SCN11A: variants seen among roughly 807,000 people sequenced by gnomAD.
The protein encoded by SCN11A is sodium voltage-gated channel alpha subunit 11.
In SCN11A, 122 loss-of-function variants were observed where a neutral mutation model predicts 162.2. The observed-to-expected ratio is 0.75, with a 90% CI of 0.65 to 0.87. The LOEUF (loss-of-function observed/expected upper bound fraction) is 0.87, where lower values mean the gene tolerates loss of function less well. SCN11A is among the 40% of genes least tolerant of loss of function. The pLI is 0.00. For synonymous variants in SCN11A, 758 were observed against 751.5 expected, an observed-to-expected ratio of 1.01 and a Z score of -0.14; for missense variants, 2,015 against 2,181.6, an observed-to-expected ratio of 0.92 and a Z score of 1.52.
Position 38,954,115 on chromosome 3 carries a change from T to C in SCN11A, c.-138-356A>G, listed in dbSNP as rs76275265. 4.4e-3 allele frequency among the ~76,000 whole-genome samples: 677 copies of C among 152,312 alleles called. 1 individual carries two copies. The highest frequency in any genetic ancestry group is 7.5e-3 in the Non-Finnish European group (513 of 68,020). On this transcript the variant is annotated intron_variant, in intron 3 of 29. Coordinates refer to ENST00000302328, the MANE Select transcript of SCN11A (RefSeq NM_001349253.2). ...GCCATATGTCAGCTGAAACTGAATG[T>C]AGGACTGTAGATTCATCACTGTCTG...
intron 1 of SCN11A, among the ~76,000 whole-genome samples, chr3:39,034,177 C>T (rs1414270031): frequency 6.6e-6 from 1 of 151,838 alleles, no homozygotes; most frequent in African/African-American, 2.4e-5. Flanking sequence ...CAAAACAAAA[C>T]AAACAAAAAA....
intron 23 of SCN11A, among the ~76,000 whole-genome samples, chr3:38,873,584 C>T (rs1033710608): frequency 1.3e-5 from 2 of 152,126 alleles, no homozygotes; most frequent in Non-Finnish European, 2.9e-5. Context: ...CAGATGAAAA[C>T]AGATGGCAAA....
intron 23 of SCN11A, among the ~76,000 whole-genome samples, chr3:38,877,888 T>G (rs901285701): frequency 1.3e-5 from 2 of 151,158 alleles, no homozygotes; most frequent in South Asian, 4.2e-4. Flanking sequence ...CTGGATGGAA[T>G]TGGAGACTAT....
chr3:38,885,213 C>T (rs2065374780), intron 21 of SCN11A, 75 bp downstream of exon 21: 5 of 856,450 alleles, frequency 5.8e-6, no homozygotes, highest in East Asian at 4.9e-5. Flanking sequence ...TCTACTAAAA[C>T]CACAGAGCTT....
intron 2 of SCN11A, among the ~76,000 whole-genome samples, chr3:39,029,134 TAGGTAAATTTCTAGAAA>T (rs1228984114): frequency 6.6e-6 from 1 of 152,166 alleles, no homozygotes; most frequent in Non-Finnish European, 1.5e-5. Context: ...AATATACCGG[TAGGTAAATTTCTAGAAA>T]AAGAGCTAAG....
chr3:38,910,395 T>G (rs2065870736), intron 11 of SCN11A, among the ~76,000 whole-genome samples, 188 bp from the exon 12 acceptor site: 1 of 152,186 alleles, frequency 6.6e-6, no homozygotes, highest in Non-Finnish European at 1.5e-5. Context: ...GATTAATAAA[T>G]TCATATAAGA....
chr3:39,025,340 T>A (rs181670368), intron 2 of SCN11A, among the ~76,000 whole-genome samples: 158 of 152,198 alleles, frequency 1.0e-3, no homozygotes, highest in Middle Eastern at 3.4e-3. Context: ...AGCAAGCCCA[T>A]AGAGGGAAGT....
At position 38,937,676 on chromosome 3, in the gene SCN11A, C is replaced by A. The variant is rs1419551835; in HGVS notation, c.488+7735G>T. On this transcript the variant is annotated intron_variant, in intron 7 of 29. Transcript: ENST00000302328. ...TGCAAATCAAAACCACAATGAGATA[C>A]CATCTCACACCAGTTAGAATGGCAA... is the stretch of plus-strand genomic sequence containing the variant. Among the ~76,000 whole-genome samples, 3 of 151,996 alleles carry A rather than the reference C, an allele frequency of 2.0e-5. No homozygotes were observed. The South Asian group carries it at 6.2e-4, about 32-fold the overall frequency.
chr3:39,031,537 ACAAAC>A (rs2031750050), intron 2 of SCN11A, among the ~76,000 whole-genome samples: 13 of 130,646 alleles, frequency 1.0e-4, no homozygotes, highest in South Asian at 2.1e-4. Context: ...CAAAAAACAA[ACAAAC>A]AAAAAAAAAA....
At chr3:38,935,822 C>T (rs1468844080) in intron 7 of SCN11A, among the ~76,000 whole-genome samples, 2 of 152,170 alleles carry the variant, frequency 1.3e-5, no homozygotes, top group Admixed American at 1.3e-4. Context: ...TCCTTCTGAA[C>T]TATTCCAATC....
chr3:38,870,866 T>C, intron 25 of SCN11A, 122 bp from the exon 26 acceptor site: 1 of 705,724 alleles, frequency 1.4e-6, no homozygotes, highest in Non-Finnish European at 2.5e-6. Flanking sequence ...CCCAACCTTC[T>C]AGGACAGGAT....
intron 2 of SCN11A, among the ~76,000 whole-genome samples, chr3:39,031,638 A>C (rs917571357): frequency 6.6e-6 from 1 of 152,162 alleles, no homozygotes; most frequent in Non-Finnish European, 1.5e-5. Context: ...CTTTGAACTT[A>C]AACATTTTAA....
At chr3:39,039,021 C>T (rs2125615306) in intron 1 of SCN11A, among the ~76,000 whole-genome samples, 1 of 152,286 alleles carries the variant, frequency 6.6e-6, no homozygotes, top group African/African-American at 2.4e-5. Flanking sequence ...TAAAGATATA[C>T]CAGCAGAACT....
In SCN11A at chr3:38,846,530, T is replaced by A; in HGVS notation, c.*164A>T. ...CCTTATCTTATATCTCTGTAAGTATTATTTAAAATGAAATTGAAATATCAT... is the reference window on the plus strand; with the variant it reads ...CCTTATCTTATATCTCTGTAAGTATAATTTAAAATGAAATTGAAATATCAT... On this transcript the variant is annotated 3_prime_UTR_variant, in exon 30 of 30. Transcript: ENST00000302328. 3.3e-6 allele frequency: 2 copies of A among 612,252 alleles called. No individual in the cohort carries two copies. Among genetic ancestry groups the A allele is most frequent in the Non-Finnish European group, 2.9e-6 (1 of 345,938 alleles). The allele number at this position is 612,252 out of a possible 1,614,324, so 37.9% of individuals were successfully genotyped here. A position where few individuals can be genotyped will look rare whatever the true frequency, so the allele number is the denominator to read the frequency against.
At chr3:39,039,342 T>G (rs1395095131) in intron 1 of SCN11A, among the ~76,000 whole-genome samples, 1 of 152,252 alleles carries the variant, frequency 6.6e-6, no homozygotes, top group Non-Finnish European at 1.5e-5. Context: ...CCTATGGCAG[T>G]GTGATGGTTT....
chr3:39,014,495 T>G (rs1231050072), intron 2 of SCN11A, among the ~76,000 whole-genome samples: 2 of 152,112 alleles, frequency 1.3e-5, no homozygotes, highest in Non-Finnish European at 2.9e-5. Flanking sequence ...TCAAAACACA[T>G]CCTATAAGAC....
chr3:38,990,620 A>C (rs2030421978), intron 2 of SCN11A, among the ~76,000 whole-genome samples: 2 of 152,178 alleles, frequency 1.3e-5, no homozygotes, highest in East Asian at 3.9e-4. Context: ...GAACAATAAC[A>C]ATAGTAAACA....
chr3:38,918,360 G>A (rs543176072), intron 11 of SCN11A, among the ~76,000 whole-genome samples: 31 of 152,282 alleles, frequency 2.0e-4, no homozygotes, highest in East Asian at 5.8e-4. Context: ...AGCAGCAGGC[G>A]AGTGAGCATT....
intron 17 of SCN11A, among the ~76,000 whole-genome samples, chr3:38,899,382 G>A (rs2065658004): frequency 6.6e-6 from 1 of 152,152 alleles, no homozygotes; most frequent in South Asian, 2.1e-4. Flanking sequence ...TGGATAGCAG[G>A]CAAAGACTAC....
Sources: allele counts gnomAD v4.1 joint callset (sites outside exome capture counted in the v4.1 genomes callset), GRCh38; gene constraint gnomAD v4.1.1; transcripts MANE v1.5; gene names NCBI Gene and HGNC (gene_info 2026-07-23, HGNC 2026-07-21).